The following ZDHHC11 variants were observed in gnomAD, a reference collection of about 807,000 sequenced individuals.
ZDHHC11 encodes zDHHC palmitoyltransferase 11, also known as palmitoyltransferase ZDHHC11.
In ZDHHC11, 44 loss-of-function variants were observed where a neutral mutation model predicts 51.3. The ratio of observed to expected loss-of-function variants is 0.86; its 90% CI spans 0.67 to 1.10. ZDHHC11 has a LOEUF of 1.10. Ranked by LOEUF, ZDHHC11 falls within the 50% of genes least tolerant of loss-of-function variation. ZDHHC11 has a pLI of 0.00. For missense variants in ZDHHC11, 400 were observed against 537.7 expected, an observed-to-expected ratio of 0.74 and a Z score of 2.53; for synonymous variants, 163 against 222.0, an observed-to-expected ratio of 0.73 and a Z score of 2.36.
chr5:812,189 T>C (rs1740175871), intron 11 of ZDHHC11, among the ~76,000 whole-genome samples: 1 of 149,184 alleles, frequency 6.7e-6, no homozygotes, highest in Non-Finnish European at 1.5e-5. Context: ...GATTTTGGTA[T>C]AACCCTGGAG....
chr5:807,947 G>A (rs1211415401), intron 11 of ZDHHC11, among the ~76,000 whole-genome samples: 4 of 151,152 alleles, frequency 2.6e-5, no homozygotes, highest in Admixed American at 1.3e-4. Context: ...ATCAGACGCA[G>A]GTCCTGGACT....
At chr5:841,225 C>T (rs1579743820) in intron 4 of ZDHHC11, 3 of 1,040,762 alleles carry the variant, frequency 2.9e-6, no homozygotes, top group East Asian at 1.9e-4. Context: ...ACAGTGCCTG[C>T]CGGCTCTGCC....
chr5:799,626 A>G (rs1398191645), intron 12 of ZDHHC11, among the ~76,000 whole-genome samples: 2 of 151,262 alleles, frequency 1.3e-5, no homozygotes, highest in Non-Finnish European at 1.5e-5. Flanking sequence ...TCCACTTCTC[A>G]GGCTCTGCTA....
upstream of ZDHHC11, among the ~76,000 whole-genome samples, chr5:851,258 G>A (rs1000715083): frequency 5.3e-5 from 8 of 152,226 alleles, no homozygotes; most frequent in African/African-American, 1.7e-4. Flanking sequence ...CCAGCCACGC[G>A]GGGCTGGGGT....
chr5:831,036 CTT>C (rs1561265554), intron 7 of ZDHHC11, among the ~76,000 whole-genome samples: 1 of 150,042 alleles, frequency 6.7e-6, no homozygotes. Flanking sequence ...ATCAGAAAAA[CTT>C]TTGTAGGCAT....
intron 6 of ZDHHC11, among the ~76,000 whole-genome samples, chr5:834,828 C>T (rs547751905): frequency 6.6e-6 from 1 of 152,076 alleles, no homozygotes; most frequent in South Asian, 2.1e-4. Context: ...AGTTTTTAGA[C>T]ATAATGCTGT....
intron 6 of ZDHHC11, among the ~76,000 whole-genome samples, chr5:835,395 T>C (rs1282753903): frequency 6.6e-6 from 1 of 151,836 alleles, no homozygotes; most frequent in East Asian, 1.9e-4. Flanking sequence ...TTTCTTCTGG[T>C]CCATTTCTCT....
intron 11 of ZDHHC11, among the ~76,000 whole-genome samples, chr5:803,162 C>G (rs142459436): frequency 9.0e-4 from 137 of 151,388 alleles, no homozygotes; most frequent in African/African-American, 3.0e-3. Flanking sequence ...GCTGATGTCA[C>G]AGTGAGCATC....
Position 850,567 on chromosome 5 carries a change from G to T in ZDHHC11, c.36C>A (p.Thr12=). ...DTRSGSQCSV[T]PEAILNNEKL... ...TTTCATTATTGAGTATGGCTTCTGG[G>T]GTGACGGAACACTGGCTCCCGGAGC... Residue 12 remains threonine, a synonymous_variant, in exon 1 of 13, where the codon ACC becomes ACA. Transcript: ENST00000283441. 6.2e-7 allele frequency: 1 copy of T among 1,613,536 alleles called. No individual in the cohort carries two copies.
intron 12 of ZDHHC11, among the ~76,000 whole-genome samples, chr5:797,606 C>A (rs1434892163): frequency 6.6e-6 from 1 of 151,406 alleles, no homozygotes; most frequent in Non-Finnish European, 1.5e-5. Context: ...TGATATTTCT[C>A]ATAAGTTTTA....
intron 11 of ZDHHC11, among the ~76,000 whole-genome samples, chr5:812,439 A>G (rs1346366644): frequency 6.6e-6 from 1 of 151,738 alleles, no homozygotes; most frequent in Non-Finnish European, 1.5e-5. Context: ...TAATTCATAC[A>G]AGAGGAACTG....
In ZDHHC11 at chr5:796,398, G is replaced by A. The variant is rs1393411865; in HGVS notation, c.*190C>T. On this transcript the variant is annotated 3_prime_UTR_variant, in exon 13 of 13. Coordinates refer to ENST00000283441, the MANE Select transcript of ZDHHC11 (RefSeq NM_024786.3). ...GAAGATGATGACAGAGATGGATGCT[G>A]GGCTCTGAGGGTCCTGGTTCCTTCG... 1 of 150,698 alleles carries A rather than the reference G, an allele frequency of 6.6e-6. No individual in the cohort carries two copies. Among genetic ancestry groups the A allele is most frequent in the Non-Finnish European group, 1.5e-5 (1 of 67,338 alleles). The allele number at this position is 150,698 out of a possible 1,614,324, so 9.3% of individuals were successfully genotyped here. A position where few individuals can be genotyped will look rare whatever the true frequency, so the allele number is the denominator to read the frequency against.
Position 850,715 on chromosome 5 carries a change from A to G in ZDHHC11, c.-113T>C, listed in dbSNP as rs1747075920. The G allele has an allele frequency of 1.5e-6, 2 of 1,323,928 alleles. No individual in the cohort carries two copies. Among genetic ancestry groups the G allele is most frequent in the African/African-American group, 2.9e-5 (2 of 69,140 alleles). 82.0% of individuals were successfully genotyped at this position (1,323,928 alleles called of 1,614,324 possible). The stretch of plus-strand genomic sequence containing the variant: ...AATGCAGCCGCCAGGACCAGCACTG[A>G]CAGCCAATGGCCCAGCACTGCCTGG... On this transcript the variant is annotated 5_prime_UTR_variant, in exon 1 of 13. Coordinates refer to ENST00000283441, the MANE Select transcript of ZDHHC11 (RefSeq NM_024786.3).
At chr5:852,339 G>A (rs1300636945), upstream of ZDHHC11, among the ~76,000 whole-genome samples, 1 of 152,234 alleles carries the variant, frequency 6.6e-6, no homozygotes, top group Non-Finnish European at 1.5e-5. Context: ...TTTCAGAACA[G>A]AAAGGTGGAG....
In ZDHHC11 at chr5:825,267, G is replaced by C. The variant is rs753395143; in HGVS notation, c.936-16C>G. ...GGCTTTGACTCTGGTGGGACAGAAA[G>C]GAGGAGAGAAACTCATCTCAGCTTT... On this transcript the variant is annotated splice_polypyrimidine_tract_variant and intron_variant, in intron 7 of 12. Coordinates refer to ENST00000283441, the MANE Select transcript of ZDHHC11 (RefSeq NM_024786.3). 1 of 1,610,192 alleles carries C rather than the reference G, an allele frequency of 6.2e-7. No homozygotes were observed. Among genetic ancestry groups the C allele is most frequent in the Admixed American group, 1.7e-5 (1 of 59,934 alleles).
chr5:803,578 C>CA (rs1738801455), intron 11 of ZDHHC11, among the ~76,000 whole-genome samples: 1 of 150,918 alleles, frequency 6.6e-6, no homozygotes, highest in African/African-American at 2.4e-5. Flanking sequence ...CAGTTTTTAA[C>CA]AAAAAATTAT....
chr5:833,039 A>C (rs1271437742), intron 7 of ZDHHC11, among the ~76,000 whole-genome samples: 1 of 35,642 alleles, frequency 2.8e-5, no homozygotes, highest in Non-Finnish European at 8.4e-5. Context: ...AAAACATGAA[A>C]AAATGTTGTC....
intron 3 of ZDHHC11, among the ~76,000 whole-genome samples, chr5:846,428 A>G (rs1353899304): frequency 6.6e-6 from 1 of 150,768 alleles, no homozygotes; most frequent in African/African-American, 2.5e-5. Context: ...GGGCCTTGAG[A>G]GTCCCTGGAT....
chr5:844,757 G>T (rs1445446391), intron 3 of ZDHHC11, among the ~76,000 whole-genome samples: 17 of 152,250 alleles, frequency 1.1e-4, no homozygotes, highest in Non-Finnish European at 2.2e-4. Context: ...CTTCTCCAAG[G>T]GTCTCGTGCA....
Sources: gnomAD v4.1 joint callset for allele counts (sites outside exome capture counted in the v4.1 genomes callset) on GRCh38, gnomAD v4.1.1 for gene constraint, MANE v1.5 for transcripts, NCBI Gene and HGNC (gene_info 2026-07-23, HGNC 2026-07-21) for gene names.